PATJ: variants seen among roughly 807,000 people sequenced by gnomAD.
PATJ encodes the protein PATJ crumbs cell polarity complex component.
In PATJ, 190 loss-of-function variants were observed where a neutral mutation model predicts 224.9. That is an observed-to-expected ratio of 0.84 (90% CI 0.75 to 0.95). The LOEUF (loss-of-function observed/expected upper bound fraction) is 0.95. PATJ is among the 40% of genes least tolerant of loss of function. PATJ has a pLI of 0.00. For missense variants in PATJ, 2,121 were observed against 2,270.3 expected (o/e 0.93, Z 1.34); for synonymous variants, 769 against 820.3 (o/e 0.94, Z 1.07).
At chr1:61,985,428 G>A (rs1342730335) in intron 27 of PATJ, among the ~76,000 whole-genome samples, 1 of 152,028 alleles carries the variant, frequency 6.6e-6, no homozygotes, top group Admixed American at 6.6e-5. Context: ...ACTGATAGGG[G>A]TCTTTTTTAA....
At chr1:61,829,667 T>C (rs1221084698) in intron 16 of PATJ, among the ~76,000 whole-genome samples, 1 of 152,224 alleles carries the variant, frequency 6.6e-6, no homozygotes, top group Non-Finnish European at 1.5e-5. Context: ...TGCCTTGAAA[T>C]TTCTATAAAC....
intron 31 of PATJ, among the ~76,000 whole-genome samples, chr1:62,067,836 T>C (rs1476098819): frequency 2.0e-5 from 3 of 152,226 alleles, no homozygotes; most frequent in Non-Finnish European, 4.4e-5. Context: ...GGTCTCACTC[T>C]ATAACCCCAG....
intron 27 of PATJ, among the ~76,000 whole-genome samples, chr1:61,982,363 TA>T (rs1644495435): frequency 6.6e-6 from 1 of 152,020 alleles, no homozygotes; most frequent in South Asian, 2.1e-4. Flanking sequence ...TCTTATTACC[TA>T]AAATGTCTAC....
chr1:61,779,541 T>A (rs746819182), intron 7 of PATJ, among the ~76,000 whole-genome samples: 1 of 152,192 alleles, frequency 6.6e-6, no homozygotes, highest in Non-Finnish European at 1.5e-5. Flanking sequence ...ACATCTAGAT[T>A]AGTGTTTGAC....
intron 21 of PATJ, among the ~76,000 whole-genome samples, chr1:61,883,648 A>T (rs1250764725): frequency 6.6e-6 from 1 of 151,790 alleles, no homozygotes; most frequent in East Asian, 1.9e-4. Context: ...CCAGCTACTC[A>T]GGAGGCTGGG....
At chr1:61,803,934 C>A (rs957365725) in intron 12 of PATJ, among the ~76,000 whole-genome samples, 12 of 152,152 alleles carry the variant, frequency 7.9e-5, no homozygotes, top group African/African-American at 2.7e-4. Flanking sequence ...TTCTCCAGCA[C>A]TTAGGCCTTT....
At chr1:61,930,802 G>A (rs1675916184) in intron 27 of PATJ, among the ~76,000 whole-genome samples, 1 of 152,092 alleles carries the variant, frequency 6.6e-6, no homozygotes, top group Admixed American at 6.6e-5. Flanking sequence ...CTGCCTCCTG[G>A]GTTCAAGCGA....
At chr1:62,062,031 A>C (rs1448586900) in intron 31 of PATJ, among the ~76,000 whole-genome samples, 1 of 152,154 alleles carries the variant, frequency 6.6e-6, no homozygotes, top group East Asian at 1.9e-4. Context: ...TGCTATTGTG[A>C]ATAGTGCAGC....
At chr1:61,846,289 A>C (rs1455966438) in intron 17 of PATJ, 2 of 152,214 alleles carry the variant, frequency 1.3e-5, no homozygotes, top group Non-Finnish European at 2.9e-5. Flanking sequence ...ATGATTAAAC[A>C]ACTTGATCAC....
intron 28 of PATJ, chr1:62,013,454 A>G (rs1646572057): frequency 1.0e-6 from 1 of 985,376 alleles, no homozygotes; most frequent in African/African-American, 1.7e-5. Context: ...CACTATGCAC[A>G]AGCTATGCAT....
intron 30 of PATJ, among the ~76,000 whole-genome samples, chr1:62,049,257 A>ACACACACACACG: frequency 6.7e-6 from 1 of 149,948 alleles, no homozygotes; most frequent in African/African-American, 2.5e-5. Context: ...ACACACACAC[A>ACACACACACACG]CACACACACA....
At chr1:61,899,498 T>C in intron 22 of PATJ, 85 bp from the exon 23 acceptor site, 1 of 838,950 alleles carries the variant, frequency 1.2e-6, no homozygotes, top group Middle Eastern at 2.4e-4. Context: ...TACCTATAGA[T>C]TTTACAATTT....
chr1:61,751,280 C>T (rs575718847), intron 1 of PATJ, among the ~76,000 whole-genome samples: 133 of 152,162 alleles, frequency 8.7e-4, no homozygotes, highest in African/African-American at 3.1e-3. Context: ...GGAGTACAGG[C>T]GTGAGCCACC....
intron 41 of PATJ, among the ~76,000 whole-genome samples, chr1:62,138,665 T>C (rs183616596): frequency 3.3e-5 from 5 of 152,290 alleles, no homozygotes; most frequent in Admixed American, 3.3e-4. Context: ...CTCCCCCATG[T>C]TGGAGGGCCG....
At chr1:61,891,065 G>A (rs1020538274) in intron 22 of PATJ, among the ~76,000 whole-genome samples, 3 of 151,902 alleles carry the variant, frequency 2.0e-5, no homozygotes, top group Admixed American at 2.0e-4. Flanking sequence ...AAATGTAATA[G>A]GATCAAATCA....
intron 18 of PATJ, 26 bp from the exon 19 acceptor site, chr1:61,861,525 T>C: frequency 9.6e-7 from 1 of 1,037,212 alleles, no homozygotes; most frequent in Non-Finnish European, 1.4e-6. Flanking sequence ...TTCTTATTTA[T>C]AAATAAAAGT....
At chr1:61,903,691 A>G (rs1014577363) in intron 24 of PATJ, among the ~76,000 whole-genome samples, 2 of 151,332 alleles carry the variant, frequency 1.3e-5, no homozygotes, top group Non-Finnish European at 2.9e-5. Context: ...CTGTATTCCT[A>G]TTAGTTACTT....
At chr1:61,801,915 G>A in intron 12 of PATJ, 146 bp downstream of exon 12, 3 of 474,392 alleles carry the variant, frequency 6.3e-6, no homozygotes, top group Admixed American at 3.7e-5. Context: ...TTTTTTTTGA[G>A]ACAGAGTTTC....
intron 41 of PATJ, among the ~76,000 whole-genome samples, chr1:62,144,585 A>C (rs189459397): frequency 2.0e-5 from 3 of 152,080 alleles, no homozygotes; most frequent in Admixed American, 2.0e-4. Flanking sequence ...GGTGGAAGAC[A>C]ACTCCAGGAT....
Sources: allele counts gnomAD v4.1 joint callset (sites outside exome capture counted in the v4.1 genomes callset), GRCh38; gene constraint gnomAD v4.1.1; transcripts MANE v1.5; gene names NCBI Gene and HGNC (gene_info 2026-07-23, HGNC 2026-07-21).